Variants in ADARB2 observed in about 807,000 individuals in gnomAD.
ADARB2 encodes the protein adenosine deaminase RNA specific B2 (inactive).
ADARB2 carries 25 observed loss-of-function variants against 62.2 expected under a neutral mutation model. That is an observed-to-expected ratio of 0.40 (90% CI 0.29 to 0.56). The LOEUF (loss-of-function observed/expected upper bound fraction) is 0.56, where lower values mean the gene tolerates loss of function less well. ADARB2 is among the 20% of genes least tolerant of loss of function. The pLI is 0.43. For missense variants in ADARB2, 1,071 were observed against 1,077.4 expected (o/e 0.99, Z 0.08); for synonymous variants, 572 against 500.8 (o/e 1.14, Z -1.90).
intron 1 of ADARB2, among the ~76,000 whole-genome samples, chr10:1,674,394 C>T (rs1004452597): frequency 9.2e-5 from 14 of 152,144 alleles, no homozygotes; most frequent in Non-Finnish European, 1.5e-5. Flanking sequence ...CCTTGGTCGG[C>T]ATTTTGGAAG....
chr10:1,457,553 G>A (rs1831110290), intron 1 of ADARB2, among the ~76,000 whole-genome samples: 1 of 152,130 alleles, frequency 6.6e-6, no homozygotes, highest in South Asian at 2.1e-4. Context: ...CACTCACTCT[G>A]CCAAAAAGAA....
chr10:1,509,082 A>T (rs1262375028), intron 1 of ADARB2, among the ~76,000 whole-genome samples: 1 of 151,880 alleles, frequency 6.6e-6, no homozygotes, highest in South Asian at 2.1e-4. Context: ...ATCTATAAAA[A>T]CCTCGATAAT....
At chr10:1,728,569 G>A (rs914870841) in intron 1 of ADARB2, among the ~76,000 whole-genome samples, 8 of 152,124 alleles carry the variant, frequency 5.3e-5, no homozygotes, top group African/African-American at 1.9e-4. Flanking sequence ...TTAACGGCAT[G>A]CCTTCTATTC....
At chr10:1,325,229 G>C (rs1446035210) in intron 3 of ADARB2, among the ~76,000 whole-genome samples, 1 of 152,156 alleles carries the variant, frequency 6.6e-6, no homozygotes. Flanking sequence ...CTCTACCGGG[G>C]GGTCCCTCCT....
At chr10:1,639,072 A>AG (rs1833947692) in intron 1 of ADARB2, among the ~76,000 whole-genome samples, 1 of 152,210 alleles carries the variant, frequency 6.6e-6, no homozygotes, top group Admixed American at 6.5e-5. Flanking sequence ...TGGAAACAGC[A>AG]GGGAGCAGAC....
intron 1 of ADARB2, among the ~76,000 whole-genome samples, chr10:1,385,128 C>T (rs1016198064): frequency 6.6e-6 from 1 of 152,112 alleles, no homozygotes; most frequent in African/African-American, 2.4e-5. Flanking sequence ...CAGTAATAAA[C>T]TACCCTTGGT....
At chr10:1,549,604 G>A (rs1023715050) in intron 1 of ADARB2, among the ~76,000 whole-genome samples, 4 of 151,996 alleles carry the variant, frequency 2.6e-5, no homozygotes, top group African/African-American at 9.7e-5. Context: ...TAAATAAGAG[G>A]CGAACGCAAT....
At chr10:1,187,332 C>A (rs960795106) in intron 8 of ADARB2, among the ~76,000 whole-genome samples, 1 of 152,206 alleles carries the variant, frequency 6.6e-6, no homozygotes, top group African/African-American at 2.4e-5. Context: ...GTGCACTGGG[C>A]AGCCTCCCCT....
At chr10:1,537,080 A>G (rs969194249) in intron 1 of ADARB2, among the ~76,000 whole-genome samples, 2 of 152,258 alleles carry the variant, frequency 1.3e-5, no homozygotes, top group African/African-American at 4.8e-5. Context: ...AAGGTCTAAT[A>G]TCCAGCCTCT....
In ADARB2 at chr10:1,178,947, T is replaced by A. The variant is rs1836626094; in HGVS notation, c.*4246A>T. On this transcript the variant is annotated 3_prime_UTR_variant, in exon 10 of 10. Transcript: ENST00000381312. ...CTTCCCTTTGGTCTCTGTTAGAAAG[T>A]GATACTTATTGTATTTTGGGCCAAT... 3 of 152,206 alleles carry A rather than the reference T, an allele frequency of 2.0e-5. No individual in the cohort carries two copies. The highest frequency in any genetic ancestry group is 4.4e-5 in the Non-Finnish European group (3 of 68,030). The allele number at this position is 152,206 out of a possible 1,614,324, so 9.4% of individuals were successfully genotyped here. A position where few individuals can be genotyped will look rare whatever the true frequency, so the allele number is the denominator to read the frequency against.
At chr10:1,648,531 T>A (rs1834072768) in intron 1 of ADARB2, among the ~76,000 whole-genome samples, 2 of 152,212 alleles carry the variant, frequency 1.3e-5, no homozygotes, top group South Asian at 4.1e-4. Context: ...GAATCGTCCC[T>A]GCCTACGCTC....
At chr10:1,483,458 C>G (rs1831501426) in intron 1 of ADARB2, among the ~76,000 whole-genome samples, 1 of 152,154 alleles carries the variant, frequency 6.6e-6, no homozygotes, top group South Asian at 2.1e-4. Context: ...GTCGTTTCGT[C>G]CTAGCTATGC....
intron 3 of ADARB2, among the ~76,000 whole-genome samples, chr10:1,294,079 G>A (rs1831502302): frequency 1.3e-5 from 2 of 152,168 alleles, no homozygotes; most frequent in South Asian, 4.2e-4. Context: ...TCCATCAGGT[G>A]GGCTGCAGGG....
chr10:1,685,470 G>T (rs932462991), intron 1 of ADARB2, among the ~76,000 whole-genome samples: 1 of 152,124 alleles, frequency 6.6e-6, no homozygotes, highest in Non-Finnish European at 1.5e-5. Flanking sequence ...GGCAGGTACC[G>T]AATCCATCAC....
intron 1 of ADARB2, among the ~76,000 whole-genome samples, chr10:1,540,570 A>T (rs1261944593): frequency 3.1e-5 from 2 of 65,104 alleles, no homozygotes; most frequent in African/African-American, 1.3e-4. Flanking sequence ...CCCCACTCAG[A>T]TGTAGTTCAG....
chr10:1,424,538 T>C lies in ADARB2; in HGVS notation c.101-45378A>G, dbSNP rs183879392. ...CAGTTCTATTGCTGAGTGGTCTGAT[T>C]TCCTGGATTATGTCCTAAGAAAGTT... is the stretch of plus-strand genomic sequence containing the variant. On this transcript the variant is annotated intron_variant, in intron 1 of 9. Transcript: ENST00000381312. 4.6e-5 allele frequency among the ~76,000 whole-genome samples: 7 copies of C among 152,292 alleles called. No individual in the cohort carries two copies. The East Asian group carries it at 1.2e-3, about 25-fold the overall frequency.
At chr10:1,530,893 T>TCTCAGCA (rs1271854404) in intron 1 of ADARB2, among the ~76,000 whole-genome samples, 2 of 150,782 alleles carry the variant, frequency 1.3e-5, no homozygotes, top group Admixed American at 6.6e-5. Flanking sequence ...AGCACTCAGG[T>TCTCAGCA]CTCAGCACTC....
intron 4 of ADARB2, among the ~76,000 whole-genome samples, chr10:1,243,491 G>A (rs1198780613): frequency 7.1e-6 from 1 of 140,332 alleles, no homozygotes; most frequent in Non-Finnish European, 1.6e-5. Context: ...AGCGCTTCTC[G>A]CTTCTCACAC....
At chr10:1,338,670 C>A (rs1831995459) in intron 3 of ADARB2, among the ~76,000 whole-genome samples, 1 of 151,854 alleles carries the variant, frequency 6.6e-6, no homozygotes, top group South Asian at 2.1e-4. Context: ...AATGGTGGCT[C>A]CTACGTGGGC....
Sources: allele counts gnomAD v4.1 joint callset (sites outside exome capture counted in the v4.1 genomes callset), GRCh38; gene constraint gnomAD v4.1.1; transcripts MANE v1.5; gene names NCBI Gene and HGNC (gene_info 2026-07-23, HGNC 2026-07-21).